Variants in EPB41L4A observed in about 807,000 individuals in gnomAD.
EPB41L4A encodes band 4.1-like protein 4A.
A neutral mutation model predicts 108.6 loss-of-function variants in EPB41L4A; 100 were observed. That is an observed-to-expected ratio of 0.92 (90% CI 0.78 to 1.09). The LOEUF (loss-of-function observed/expected upper bound fraction) is 1.09, where lower values mean the gene tolerates loss of function less well. EPB41L4A is among the 50% of genes least tolerant of loss of function. The probability of loss-of-function intolerance (pLI) is 0.00; values close to 1 mark genes in which losing one functional copy is unlikely to be tolerated. For synonymous variants in EPB41L4A, 319 were observed against 289.0 expected (o/e 1.10, Z -1.05); for missense variants, 1,030 against 842.7 (o/e 1.22, Z -2.75).
intron 9 of EPB41L4A, chr5:112,250,574 G>C (rs1357333150): frequency 6.6e-6 from 1 of 152,084 alleles, no homozygotes. Flanking sequence ...TAAAACGAAG[G>C]CTTATGTGGT....
Position 112,419,029 on chromosome 5 carries a change from A to C in EPB41L4A, c.11T>G (p.Phe4Cys). The stretch of plus-strand genomic sequence containing the variant: ...GTAAAATTCTTCCGGAACAGCGCAG[A>C]AACAGCCCATGTCGGTTGTGGTCGT... The part of the protein sequence containing the change: MGC[F>C]CAVPEEFYCE... Residue 4 changes from phenylalanine to cysteine, a missense_variant, in exon 1 of 23, where the codon TTC becomes TGC. By Grantham distance (205) the Phe-to-Cys change is radical. Transcript: ENST00000261486. 2.5e-6 allele frequency: 4 copies of C among 1,613,442 alleles called. No homozygotes were observed. The highest frequency in any genetic ancestry group is 3.4e-6 in the Non-Finnish European group (4 of 1,179,564).
chr5:112,180,371 T>C (rs747444187), intron 18 of EPB41L4A, among the ~76,000 whole-genome samples: 1 of 152,098 alleles, frequency 6.6e-6, no homozygotes, highest in Non-Finnish European at 1.5e-5. Flanking sequence ...ACATGATGGC[T>C]TAGGGATAGA....
At chr5:112,265,445 G>T (rs1751779936) in intron 5 of EPB41L4A, among the ~76,000 whole-genome samples, 1 of 151,976 alleles carries the variant, frequency 6.6e-6, no homozygotes, top group Admixed American at 6.6e-5. Context: ...AATGATCATG[G>T]AAATGCAATA....
At chr5:112,175,646 A>C (rs780322193) in intron 18 of EPB41L4A, 1 of 151,912 alleles carries the variant, frequency 6.6e-6, no homozygotes, top group Non-Finnish European at 1.5e-5. Flanking sequence ...GAAATGCCAA[A>C]TATACATAAA....
At chr5:112,280,169 A>T in intron 3 of EPB41L4A, 103 bp downstream of exon 3, 1 of 935,646 alleles carries the variant, frequency 1.1e-6, no homozygotes, top group Non-Finnish European at 1.8e-6. Context: ...ACTAGTATTC[A>T]CTTCTTTCTC....
intron 1 of EPB41L4A, among the ~76,000 whole-genome samples, chr5:112,372,565 A>C (rs879239496): frequency 1.3e-5 from 2 of 152,250 alleles, no homozygotes; most frequent in Admixed American, 1.3e-4. Context: ...TGAAGGCAGG[A>C]AAGTATAGGA....
chr5:112,337,930 T>G (rs1757030409), intron 1 of EPB41L4A, among the ~76,000 whole-genome samples: 1 of 152,072 alleles, frequency 6.6e-6, no homozygotes, highest in Non-Finnish European at 1.5e-5. Flanking sequence ...TACCAATGAC[T>G]GCAAGAAGGC....
intron 1 of EPB41L4A, among the ~76,000 whole-genome samples, chr5:112,405,029 T>C (rs1394551871): frequency 6.6e-6 from 1 of 152,222 alleles, no homozygotes; most frequent in Non-Finnish European, 1.5e-5. Context: ...AGGGAGCCCT[T>C]GTTTTCATAC....
rs552428109 is a variant in EPB41L4A, at chr5:112,314,505, TAAAAAAAAAAAAAAAAAA to T, written c.100-7033_100-7016del. On this transcript the variant is annotated intron_variant, in intron 1 of 22. Coordinates refer to ENST00000261486, the MANE Select transcript of EPB41L4A (RefSeq NM_022140.5). ...CAACAATGTGAAACCCCATCGCTAC[TAAAAAAAAAAAAAAAAAA>T]AAAAAAAAAAAAAAAGAAAAGAAAT... is the stretch of plus-strand genomic sequence containing the variant. Among the ~76,000 whole-genome samples the T allele has an allele frequency of 2.2e-4, 12 of 55,186 alleles. No homozygotes were observed. In the Admixed American group the frequency reaches 2.6e-3, roughly 12 times the overall value. 36.2% of individuals were successfully genotyped at this position (55,186 alleles called of 152,430 possible).
intron 2 of EPB41L4A, among the ~76,000 whole-genome samples, chr5:112,297,040 G>A (rs1258537371): frequency 6.6e-6 from 1 of 151,574 alleles, no homozygotes; most frequent in East Asian, 1.9e-4. Context: ...TCCACTCGTT[G>A]ACTGATGGGC....
chr5:112,159,251 G>A (rs765931123), downstream of EPB41L4A, among the ~76,000 whole-genome samples: 8 of 152,108 alleles, frequency 5.3e-5, no homozygotes, highest in Non-Finnish European at 1.0e-4. Context: ...TGTGTTCGGA[G>A]ATAAGCTCCT....
At chr5:112,389,885 G>C (rs970949205) in intron 1 of EPB41L4A, among the ~76,000 whole-genome samples, 2 of 152,168 alleles carry the variant, frequency 1.3e-5, no homozygotes, top group Admixed American at 1.3e-4. Flanking sequence ...CAAAAGAGGA[G>C]CCTGAAGGAA....
chr5:112,164,928 G>C lies in EPB41L4A; in HGVS notation c.*62C>G. 1.4e-6 allele frequency: 2 copies of C among 1,466,806 alleles called. No homozygotes were observed. The highest frequency in any genetic ancestry group is 1.8e-6 in the Non-Finnish European group (2 of 1,102,736). 90.9% of individuals were successfully genotyped at this position (1,466,806 alleles called of 1,614,324 possible). On this transcript the variant is annotated 3_prime_UTR_variant, in exon 23 of 23. Coordinates refer to ENST00000261486, the MANE Select transcript of EPB41L4A (RefSeq NM_022140.5). ...TTTGAATTAAGATACCTATTTCACA[G>C]TTTCAAAAGTACCAGTGGCGCACAC...
At chr5:112,419,440 G>T, upstream of EPB41L4A, 3 of 358,722 alleles carry the variant, frequency 8.4e-6, no homozygotes, top group Non-Finnish European at 1.1e-5. Flanking sequence ...GGCTCTCCCC[G>T]GCCTTGGAAA....
chr5:112,276,455 G>A (rs1389787017), intron 3 of EPB41L4A, among the ~76,000 whole-genome samples: 1 of 152,106 alleles, frequency 6.6e-6, no homozygotes, highest in Non-Finnish European at 1.5e-5. Flanking sequence ...TTCCAAAAGT[G>A]CATATTTCCA....
At chr5:112,396,664 T>C (rs894391403) in intron 1 of EPB41L4A, among the ~76,000 whole-genome samples, 10 of 152,278 alleles carry the variant, frequency 6.6e-5, no homozygotes, top group African/African-American at 2.2e-4. Context: ...GAACTCTCAG[T>C]TCCTCACCAC....
In EPB41L4A at chr5:112,346,216, ATTTTTTTTT is replaced by A. The variant is rs561328868; in HGVS notation, c.100-38735_100-38727del. On this transcript the variant is annotated intron_variant, in intron 1 of 22. Transcript: ENST00000261486. ...AATTCTTTAAAGTTAGGTACATTGCATTTTTTTTTTTTTTTTTTTTTTTTTTTGAGAAGG... is the reference window on the plus strand; with the variant it reads ...AATTCTTTAAAGTTAGGTACATTGCATTTTTTTTTTTTTTTTTTGAGAAGG... Among the ~76,000 whole-genome samples the A allele has an allele frequency of 2.2e-4, 15 of 67,350 alleles. No homozygotes were observed. In the South Asian group the frequency reaches 4.9e-3, roughly 22 times the overall value. 44.2% of individuals were successfully genotyped at this position (67,350 alleles called of 152,430 possible). A position where few individuals can be genotyped will look rare whatever the true frequency, so the allele number is the denominator to read the frequency against.
At chr5:112,367,850 C>T (rs66537821) in intron 1 of EPB41L4A, among the ~76,000 whole-genome samples, 29,181 of 149,876 alleles carry the variant, frequency 0.19, 3,496 homozygotes, top group African/African-American at 0.36. Context: ...ACTCAGTACC[C>T]GGCTGAACAA....
intron 17 of EPB41L4A, among the ~76,000 whole-genome samples, chr5:112,186,009 G>A (rs1761408738): frequency 6.6e-6 from 1 of 152,146 alleles, no homozygotes; most frequent in Non-Finnish European, 1.5e-5. Flanking sequence ...CGGGGAAGGT[G>A]CTGCGCTGGC....
Sources: gnomAD v4.1 joint callset for allele counts (sites outside exome capture counted in the v4.1 genomes callset) on GRCh38, gnomAD v4.1.1 for gene constraint, MANE v1.5 for transcripts, NCBI Gene and HGNC (gene_info 2026-07-23, HGNC 2026-07-21) for gene names.